Variants in ZFP64 observed in about 807,000 individuals in gnomAD.
The protein encoded by ZFP64 is ZFP64 zinc finger protein, also known as zinc finger protein 64.
ZFP64 carries 14 observed loss-of-function variants against 51.6 expected under a neutral mutation model. The ratio of observed to expected loss-of-function variants is 0.27; its 90% CI spans 0.18 to 0.42. ZFP64 has a LOEUF of 0.42. Among genes scored for constraint, ZFP64 ranks in the 10% least tolerant of loss-of-function variants. The probability of loss-of-function intolerance (pLI) is 1.00; values close to 1 mark genes in which losing one functional copy is unlikely to be tolerated. For synonymous variants in ZFP64, 375 were observed against 361.4 expected (o/e 1.04, Z -0.43); for missense variants, 754 against 906.8 (o/e 0.83, Z 2.16).
chr20:52,128,394 G>C (rs543713606), intron 5 of ZFP64, among the ~76,000 whole-genome samples: 2 of 152,298 alleles, frequency 1.3e-5, no homozygotes, highest in East Asian at 3.9e-4. Flanking sequence ...CAATGGACAA[G>C]GTGGGTAAAT....
intron 7 of ZFP64, among the ~76,000 whole-genome samples, chr20:52,091,726 G>A (rs554689334): frequency 6.6e-5 from 10 of 151,746 alleles, no homozygotes; most frequent in East Asian, 3.9e-4. Context: ...GGTGGCTCAC[G>A]TCTGTAATCC....
chr20:52,087,044 G>GAA (rs2078872304), intron 8 of ZFP64, among the ~76,000 whole-genome samples: 1 of 152,112 alleles, frequency 6.6e-6, no homozygotes, highest in Non-Finnish European at 1.5e-5. Context: ...ACTTGAGATA[G>GAA]TTTGGCTGGG....
intron 4 of ZFP64, among the ~76,000 whole-genome samples, chr20:52,162,410 A>G (rs2123012648): frequency 6.6e-6 from 1 of 151,998 alleles, no homozygotes; most frequent in Admixed American, 6.6e-5. Flanking sequence ...GCGGATCATG[A>G]GGTCAGGAGA....
chr20:52,105,345 G>A lies in ZFP64; in HGVS notation c.764-6758C>T, dbSNP rs1373960030. 6.4e-6 allele frequency: 8 copies of A among 1,246,224 alleles called. No individual in the cohort carries two copies. The African/African-American group carries it at 9.3e-5, about 15-fold the overall frequency. The allele number at this position is 1,246,224 out of a possible 1,614,324, so 77.2% of individuals were successfully genotyped here. ...CTTCGGCCGGAACGCGCATGTCCCG[G>A]CAATTCTGCTCATCAGCCGAGCAGG... is the stretch of plus-strand genomic sequence containing the variant. On this transcript the variant is annotated intron_variant, in intron 5 of 8. Coordinates refer to the ZFP64 transcript ENST00000361387.
chr20:52,135,599 A>G (rs890116313), intron 5 of ZFP64, among the ~76,000 whole-genome samples: 1 of 151,844 alleles, frequency 6.6e-6, no homozygotes, highest in African/African-American at 2.4e-5. Flanking sequence ...TGATCTTCCC[A>G]CCTCAGCCTC....
At position 52,098,699 on chromosome 20, in the gene ZFP64, T is replaced by A. The variant is rs2079018713; in HGVS notation, c.764-112A>T. The A allele has an allele frequency of 5.6e-6, 8 of 1,436,910 alleles. No individual in the cohort carries two copies. In the Admixed American group the frequency reaches 6.2e-5, roughly 11 times the overall value. The allele number at this position is 1,436,910 out of a possible 1,614,324, so 89.0% of individuals were successfully genotyped here. ...CCTCCCTTCACCTTTCCAGAAAAAA[T>A]TTAAAAAAAATGAAAGCCATGTGAC... On this transcript the variant is annotated intron_variant, in intron 5 of 8. Transcript: ENST00000361387.
chr20:52,104,266 T>A (rs34029271), intron 5 of ZFP64, among the ~76,000 whole-genome samples: 3,428 of 152,212 alleles, frequency 0.023, 64 homozygotes, highest in Middle Eastern at 0.037. Context: ...GATCCCTAAC[T>A]TGCAGGAAGA....
intron 2 of ZFP64, among the ~76,000 whole-genome samples, chr20:52,167,309 G>C (rs990828568): frequency 6.6e-6 from 1 of 151,728 alleles, no homozygotes; most frequent in African/African-American, 2.4e-5. Flanking sequence ...TGGGCGACAA[G>C]AGCAAAACTC....
chr20:52,107,540 G>A (rs1435973609), intron 5 of ZFP64, among the ~76,000 whole-genome samples: 2 of 151,888 alleles, frequency 1.3e-5, no homozygotes, highest in Admixed American at 6.6e-5. Context: ...TCATTCATTT[G>A]CTTTGTCTCT....
intron 1 of ZFP64, among the ~76,000 whole-genome samples, chr20:52,190,534 G>C (rs187952341): frequency 9.9e-5 from 15 of 152,150 alleles, no homozygotes; most frequent in Non-Finnish European, 1.8e-4. Flanking sequence ...GCTCGTACCA[G>C]CACAGTCCCC....
chr20:52,084,832 G>A lies in ZFP64; in HGVS notation c.1663C>T (p.Arg555Trp), dbSNP rs1270758898. The A allele has an allele frequency of 3.3e-5, 54 of 1,613,952 alleles. No homozygotes were observed. Among genetic ancestry groups the A allele is most frequent in the Non-Finnish European group, 4.3e-5 (51 of 1,180,060 alleles). Reference sequence around the variant, plus strand: ...AGCCCTTCCTTGCCCAGAGGGGCCCGGTTCTCCGTCTTGGCCTCGTCCCTG... The same window carrying A: ...AGCCCTTCCTTGCCCAGAGGGGCCCAGTTCTCCGTCTTGGCCTCGTCCCTG... Residue 555 changes from arginine (R) to tryptophan (W), a missense_variant, in exon 9 of 9, where the codon CGG becomes TGG. Transcript: ENST00000361387.
intron 1 of ZFP64, among the ~76,000 whole-genome samples, chr20:52,188,416 G>T (rs1984133615): frequency 7.1e-6 from 1 of 140,064 alleles, no homozygotes; most frequent in African/African-American, 2.6e-5. Context: ...CCGGGTTCAC[G>T]CCATTCTCCT....
chr20:52,110,410 C>T (rs184610372), intron 5 of ZFP64: 69 of 589,246 alleles, frequency 1.2e-4, no homozygotes, highest in Middle Eastern at 1.1e-3. Flanking sequence ...TCTTCTGGAG[C>T]TCCTCCTTCT....
chr20:52,179,067 A>G (rs1470463904), intron 2 of ZFP64, among the ~76,000 whole-genome samples: 1 of 152,140 alleles, frequency 6.6e-6, no homozygotes, highest in Non-Finnish European at 1.5e-5. Flanking sequence ...CATGGGAGGA[A>G]CCTGGTGGGA....
rs939725647 is a variant in ZFP64, at chr20:52,152,713, G to A, written c.1479C>T (p.Ser493=). ...PLQPSQVPQF[S]EGRVKIIVGH... is the part of the protein sequence containing the mutation. ...CAACGATGATTTTGACTCTTCCCTCGCTGAACTGGGGCACTTGGCTGGGCT... is the reference window on the plus strand; with the variant it reads ...CAACGATGATTTTGACTCTTCCCTCACTGAACTGGGGCACTTGGCTGGGCT... The change falls in exon 6 of 6, where the codon AGC becomes AGT. Residue 493 remains serine (S), a synonymous_variant. Transcript: ENST00000216923. The A allele has an allele frequency of 3.2e-6, 5 of 1,561,756 alleles. No homozygotes were observed. Among genetic ancestry groups the A allele is most frequent in the East Asian group, 4.5e-5 (2 of 44,358 alleles).
chr20:52,096,680 G>A (rs889261888), intron 7 of ZFP64: 4 of 181,930 alleles, frequency 2.2e-5, no homozygotes, highest in African/African-American at 9.4e-5. Flanking sequence ...CCTGAGGTCA[G>A]GAGTTCGAGA....
chr20:52,129,305 G>A (rs1472191703), intron 5 of ZFP64, among the ~76,000 whole-genome samples: 2 of 148,650 alleles, frequency 1.3e-5, no homozygotes, highest in Admixed American at 1.3e-4. Context: ...GGGTTTCACC[G>A]TGTTAGCCAG....
chr20:52,176,921 G>T (rs1422502163), intron 2 of ZFP64, among the ~76,000 whole-genome samples: 1 of 152,186 alleles, frequency 6.6e-6, no homozygotes. Flanking sequence ...AAAGTAGGGG[G>T]TCTGTTCTAA....
At chr20:52,173,582 T>A (rs1236565316) in intron 2 of ZFP64, among the ~76,000 whole-genome samples, 1 of 151,802 alleles carries the variant, frequency 6.6e-6, no homozygotes, top group Non-Finnish European at 1.5e-5. Context: ...AGCAAGACCG[T>A]CTCTAGAAAA....
Sources: gnomAD v4.1 joint callset for allele counts (sites outside exome capture counted in the v4.1 genomes callset) on GRCh38, gnomAD v4.1.1 for gene constraint, MANE v1.5 for transcripts, NCBI Gene and HGNC (gene_info 2026-07-23, HGNC 2026-07-21) for gene names.